Variants in AGGF1 observed in about 807,000 individuals in gnomAD.
The protein encoded by AGGF1 is angiogenic factor with G-patch and FHA domains 1.
Under a neutral mutation model 86.5 loss-of-function variants are expected in AGGF1, and 56 were observed. That is an observed-to-expected ratio of 0.65 (90% CI 0.52 to 0.81). AGGF1 has a LOEUF of 0.81. Ranked by LOEUF, AGGF1 falls within the 30% of genes least tolerant of loss-of-function variation. AGGF1 has a pLI of 0.00. For synonymous variants in AGGF1, 313 were observed against 297.1 expected, an observed-to-expected ratio of 1.05 and a Z score of -0.55; for missense variants, 816 against 850.9, an observed-to-expected ratio of 0.96 and a Z score of 0.51.
chr5:77,049,450 C>T (rs1038020496), intron 8 of AGGF1, among the ~76,000 whole-genome samples: 2 of 150,814 alleles, frequency 1.3e-5, no homozygotes, highest in Non-Finnish European at 2.9e-5. Context: ...GGAAAAAGAA[C>T]AATTGAGTTT....
chr5:77,054,223 CT>C, intron 10 of AGGF1, 93 bp downstream of exon 10: 1 of 1,417,984 alleles, frequency 7.1e-7, no homozygotes. Flanking sequence ...GGCTACATGT[CT>C]AATTGATACG....
intron 2 of AGGF1, among the ~76,000 whole-genome samples, chr5:77,034,939 A>C (rs746924607): frequency 1.3e-5 from 2 of 152,250 alleles, no homozygotes; most frequent in Non-Finnish European, 2.9e-5. Context: ...GCATTATGTT[A>C]TAAGGCAAAA....
intron 13 of AGGF1, among the ~76,000 whole-genome samples, chr5:77,062,088 A>C (rs1334431422): frequency 6.6e-6 from 1 of 152,156 alleles, no homozygotes; most frequent in Non-Finnish European, 1.5e-5. Context: ...AGTCATTTTT[A>C]ATAACTGTCA....
At chr5:77,033,759 G>A (rs1366824171) in intron 1 of AGGF1, among the ~76,000 whole-genome samples, 1 of 152,172 alleles carries the variant, frequency 6.6e-6, no homozygotes, top group Non-Finnish European at 1.5e-5. Context: ...GGTCCTCTCA[G>A]GCTGAGGTGT....
At chr5:77,031,866 T>G (rs967608179) in intron 1 of AGGF1, among the ~76,000 whole-genome samples, 1 of 152,142 alleles carries the variant, frequency 6.6e-6, no homozygotes, top group Non-Finnish European at 1.5e-5. Flanking sequence ...ATCGTGCCAC[T>G]GCACTCCAGC....
rs780557668 is a variant in AGGF1, at chr5:77,055,580, T to C, written c.1700T>C (p.Val567Ala). ...AGAAAAGAATTAAAGAAAATACGAGTAAAATATGGTTTACAGGTGAGGATG... is the reference window on the plus strand; with the variant it reads ...AGAAAAGAATTAAAGAAAATACGAGCAAAATATGGTTTACAGGTGAGGATG... ...ERRKELKKIRVKYGLQNTEYE... is the reference protein window; with the variant it reads ...ERRKELKKIRAKYGLQNTEYE... Residue 567 changes from valine to alanine, a missense_variant, in exon 11 of 14, where the codon GTA becomes GCA. Physicochemically the swap from Val to Ala is moderately conservative, Grantham distance 64 (BLOSUM62 0). Coordinates refer to ENST00000312916, the MANE Select transcript of AGGF1 (RefSeq NM_018046.5). 1.9e-6 allele frequency: 3 copies of C among 1,589,350 alleles called. No homozygotes were observed. The highest frequency in any genetic ancestry group is 2.2e-5 in the South Asian group (2 of 90,202).
chr5:77,049,409 A>G (rs1747329759), intron 8 of AGGF1, among the ~76,000 whole-genome samples: 1 of 152,142 alleles, frequency 6.6e-6, no homozygotes, highest in South Asian at 2.1e-4. Flanking sequence ...CTTGTTTAAA[A>G]CTTCTCCTAA....
intron 12 of AGGF1, 60 bp downstream of exon 12, chr5:77,059,803 G>C: frequency 6.2e-7 from 1 of 1,600,836 alleles, no homozygotes; most frequent in Non-Finnish European, 8.5e-7. Context: ...TTCATAGGGT[G>C]GTCTGATGTT....
chr5:77,046,281 G>A, intron 5 of AGGF1, 66 bp from the exon 6 acceptor site: 1 of 1,322,316 alleles, frequency 7.6e-7, no homozygotes, highest in Non-Finnish European at 1.1e-6. Flanking sequence ...TTGATGTAAT[G>A]TTATAAGATA....
At chr5:77,048,841 G>A in intron 7 of AGGF1, 95 bp from the exon 8 acceptor site, 1 of 1,158,120 alleles carries the variant, frequency 8.6e-7, no homozygotes. Flanking sequence ...TGATAGACGT[G>A]TATTTTAACA....
At chr5:77,035,921 T>G in intron 3 of AGGF1, 178 bp downstream of exon 3, 2 of 626,902 alleles carry the variant, frequency 3.2e-6, no homozygotes, top group South Asian at 3.9e-5. Flanking sequence ...TTAGAACTTC[T>G]TCATATATGT....
chr5:77,031,048 A>G, intron 1 of AGGF1, 72 bp downstream of exon 1: 1 of 1,526,842 alleles, frequency 6.5e-7, no homozygotes, highest in South Asian at 1.1e-5. Context: ...ATAGCCTCGG[A>G]AGGGGTCCCT....
At chr5:77,062,700 G>C (rs1747583258) in intron 13 of AGGF1, among the ~76,000 whole-genome samples, 2 of 152,090 alleles carry the variant, frequency 1.3e-5, no homozygotes, top group Non-Finnish European at 1.5e-5. Context: ...CACTTACTTA[G>C]ATAAGGATAG....
chr5:77,048,141 C>A lies in AGGF1; in HGVS notation c.1202-20C>A. 7.0e-7 allele frequency: 1 copy of A among 1,434,216 alleles called. No individual in the cohort carries two copies. Among genetic ancestry groups the A allele is most frequent in the Non-Finnish European group, 9.8e-7 (1 of 1,017,226 alleles). The allele number at this position is 1,434,216 out of a possible 1,614,324, so 88.8% of individuals were successfully genotyped here. A position where few individuals can be genotyped will look rare whatever the true frequency, so the allele number is the denominator to read the frequency against. On this transcript the variant is annotated intron_variant, in intron 6 of 13. Transcript: ENST00000312916. ...TTCATAGTAGTTAAATTAATATTTA[C>A]TCACTTCTTTCCTTGGCAGATGAAG...
intron 5 of AGGF1, among the ~76,000 whole-genome samples, chr5:77,042,444 ACC>A (rs756398822): frequency 6.1e-5 from 4 of 65,552 alleles, no homozygotes; most frequent in Admixed American, 2.9e-4. Context: ...GGGGGGGCTG[ACC>A]CCCCCCACCT....
chr5:77,032,482 T>G lies in AGGF1; in HGVS notation c.210+1506T>G, dbSNP rs376950009. On this transcript the variant is annotated intron_variant, in intron 1 of 13. Transcript: ENST00000312916. ...TACAGGCTGAGGCAGGAGAATGGCG[T>G]GAACCCGGGAGGCGGAGCTTGCAGT... Among the ~76,000 whole-genome samples, 76 of 144,288 alleles carry G rather than the reference T, an allele frequency of 5.3e-4. 1 individual carries two copies. In the East Asian group the frequency reaches 0.014, roughly 26 times the overall value. The allele number at this position is 144,288 out of a possible 152,430, so 94.7% of individuals were successfully genotyped here.
intron 2 of AGGF1, 65 bp from the exon 3 acceptor site, chr5:77,035,476 A>T (rs985139349): frequency 5.7e-6 from 7 of 1,223,178 alleles, no homozygotes; most frequent in Non-Finnish European, 8.2e-6. Flanking sequence ...AGTGTTTTGT[A>T]GTTAAGTCCT....
At chr5:77,039,820 TC>T (rs1747037076) in intron 5 of AGGF1, 101 bp downstream of exon 5, 1 of 1,015,814 alleles carries the variant, frequency 9.8e-7, no homozygotes, top group African/African-American at 1.6e-5. Flanking sequence ...ACTCTGCATT[TC>T]AAACATACCC....
At chr5:77,050,096 T>C (rs1256118261) in intron 8 of AGGF1, among the ~76,000 whole-genome samples, 1 of 152,034 alleles carries the variant, frequency 6.6e-6, no homozygotes, top group Non-Finnish European at 1.5e-5. Context: ...TGGGGACTCA[T>C]TCAGAAAGAG....
Sources: gnomAD v4.1 joint callset for allele counts (sites outside exome capture counted in the v4.1 genomes callset) on GRCh38, gnomAD v4.1.1 for gene constraint, MANE v1.5 for transcripts, NCBI Gene and HGNC (gene_info 2026-07-23, HGNC 2026-07-21) for gene names.